C5AR2: variants seen among roughly 807,000 people sequenced by gnomAD.
The protein encoded by C5AR2 is C5a anaphylatoxin chemotactic receptor 2.
For missense variants in C5AR2, 458 were observed against 467.5 expected, an observed-to-expected ratio of 0.98 and a Z score of 0.19; for synonymous variants, 224 against 216.5, an observed-to-expected ratio of 1.03 and a Z score of -0.30.
rs1969102241 is a variant in C5AR2, at chr19:47,345,199, T to G, written c.*3386T>G. The G allele has an allele frequency of 1.3e-5, 2 of 152,312 alleles. No individual in the cohort carries two copies. Among genetic ancestry groups the G allele is most frequent in the Non-Finnish European group, 2.9e-5 (2 of 68,166 alleles). The allele number at this position is 152,312 out of a possible 1,614,324, so 9.4% of individuals were successfully genotyped here. On this transcript the variant is annotated 3_prime_UTR_variant, in exon 2 of 2. Transcript: ENST00000595464. The stretch of plus-strand genomic sequence containing the variant: ...ATGCCTCTGACATTTCCCCGCTCCC[T>G]TTTATAAGAGAACCTTTAATCCTAA...
intron 1 of C5AR2, among the ~76,000 whole-genome samples, chr19:47,336,429 T>C (rs147850197): frequency 1.6e-5 from 2 of 122,282 alleles, no homozygotes; most frequent in Admixed American, 9.1e-5. Context: ...TCTTTCTTTC[T>C]TTCTTTCCTT....
chr19:47,335,807 G>T lies in C5AR2; in HGVS notation c.-16+3458G>T, dbSNP rs1251066497. ...AAAAAAAAAAAAAAAAAAAAAGAAAGTTTTCGTTTTCTGGATTGTAATCAA... is the reference window on the plus strand; with the variant it reads ...AAAAAAAAAAAAAAAAAAAAAGAAATTTTTCGTTTTCTGGATTGTAATCAA... On this transcript the variant is annotated intron_variant, in intron 1 of 1. Transcript: ENST00000595464. Among the ~76,000 whole-genome samples, 117 of 18,582 alleles carry T rather than the reference G, an allele frequency of 6.3e-3. 2 individuals carry two copies. The highest frequency in any genetic ancestry group is 9.0e-3 in the East Asian group (5 of 556). The allele number at this position is 18,582 out of a possible 152,430, so 12.2% of individuals were successfully genotyped here.
chr19:47,334,812 G>C (rs1274858677), intron 1 of C5AR2, among the ~76,000 whole-genome samples: 1 of 151,782 alleles, frequency 6.6e-6, no homozygotes, highest in Admixed American at 6.6e-5. Context: ...TTGACCTCAC[G>C]GGCGTAGCCT....
intron 1 of C5AR2, among the ~76,000 whole-genome samples, chr19:47,339,873 G>C (rs1568669813): frequency 6.6e-6 from 1 of 152,076 alleles, no homozygotes; most frequent in Non-Finnish European, 1.5e-5. Flanking sequence ...AACATAGCCA[G>C]CTTCCCTGTG....
Position 47,341,040 on chromosome 19 carries a change from T to A in C5AR2, c.241T>A (p.Leu81Met). 1.2e-6 allele frequency: 2 copies of A among 1,607,412 alleles called. No individual in the cohort carries two copies. Among genetic ancestry groups the A allele is most frequent in the Non-Finnish European group, 1.7e-6 (2 of 1,179,920 alleles). ...GTTGCTCCACCTGGCCGTGGCGGATTTGCTGTGCTGTTTGTCTCTGCCCAT... is the reference window on the plus strand; with the variant it reads ...GTTGCTCCACCTGGCCGTGGCGGATATGCTGTGCTGTTTGTCTCTGCCCAT... ...TWLLHLAVADLLCCLSLPILA... is the reference protein window; with the variant it reads ...TWLLHLAVADMLCCLSLPILA... Residue 81 changes from leucine (L) to methionine (M), a missense_variant, in exon 2 of 2, where the codon TTG (leucine) becomes ATG (methionine). Coordinates refer to ENST00000595464, the MANE Select transcript of C5AR2 (RefSeq NM_001271749.2). The surrounding 1 kb of genome is among the most constrained non-coding windows in gnomAD (Gnocchi z 4.6).
chr19:47,340,595 A>G (rs1968995870), intron 1 of C5AR2, among the ~76,000 whole-genome samples, 190 bp from the exon 2 acceptor site: 1 of 152,134 alleles, frequency 6.6e-6, no homozygotes, highest in African/African-American at 2.4e-5. Flanking sequence ...TTGGCCTCCC[A>G]AAGTGTTAAG....
chr19:47,341,321 G>A lies in C5AR2; in HGVS notation c.522G>A (p.Arg174=), dbSNP rs749286477. The change falls in exon 2 of 2, where the codon CGG becomes CGA. Residue 174 remains arginine (R), a synonymous_variant. Transcript: ENST00000595464. The surrounding 1 kb of genome is among the most constrained non-coding windows in gnomAD (Gnocchi z 4.6). ...LLTVPSAIYR[R]LHQEHFPARL... is the part of the protein sequence containing the mutation. The stretch of plus-strand genomic sequence containing the variant: ...CCGTGCCCTCCGCCATCTACCGCCG[G>A]CTGCACCAGGAGCACTTCCCAGCCC... 2 of 1,610,906 alleles carry A rather than the reference G, an allele frequency of 1.2e-6. No individual in the cohort carries two copies. Among genetic ancestry groups the A allele is most frequent in the East Asian group, 2.2e-5 (1 of 44,856 alleles).
Position 47,342,094 on chromosome 19 carries a change from C to A in C5AR2, c.*281C>A, listed in dbSNP as rs967630036. On this transcript the variant is annotated 3_prime_UTR_variant, in exon 2 of 2. Transcript: ENST00000595464. ...ATAGGGCCATTTGCGGTGGCTCACG[C>A]CTGTAATTCCAGGGCTTTGGGAGGC... is the stretch of plus-strand genomic sequence containing the variant. 5.9e-5 allele frequency: 20 copies of A among 338,768 alleles called. No individual in the cohort carries two copies. Among genetic ancestry groups the A allele is most frequent in the African/African-American group, 4.0e-4 (19 of 47,916 alleles). The allele number at this position is 338,768 out of a possible 1,614,324, so 21.0% of individuals were successfully genotyped here. A position where few individuals can be genotyped will look rare whatever the true frequency, so the allele number is the denominator to read the frequency against.
At position 47,343,839 on chromosome 19, in the gene C5AR2, A is replaced by G. The variant is rs1185454500; in HGVS notation, c.*2026A>G. 6.7e-6 allele frequency: 1 copy of G among 148,836 alleles called. No homozygotes were observed. Among genetic ancestry groups the G allele is most frequent in the Non-Finnish European group, 1.5e-5 (1 of 66,864 alleles). 9.2% of individuals were successfully genotyped at this position (148,836 alleles called of 1,614,324 possible). A position where few individuals can be genotyped will look rare whatever the true frequency, so the allele number is the denominator to read the frequency against. ...GATGTCAGAATGAGACTCCATCTCA[A>G]AAAAAAAAAGAAAGAAAGAATAAAT... On this transcript the variant is annotated 3_prime_UTR_variant, in exon 2 of 2. Coordinates refer to ENST00000595464, the MANE Select transcript of C5AR2 (RefSeq NM_001271749.2).
rs1266254374 is a variant in C5AR2 at position 47,341,457 on chromosome 19, C to T, written c.658C>T (p.His220Tyr). ...LGPLVAVASC[H>Y]SALLCWAARR... ...GCCCCTGGTGGCCGTGGCCAGCTGC[C>T]ACAGTGCCCTCCTGTGCTGGGCAGC... The change falls in exon 2 of 2, where the codon CAC (histidine) becomes TAC (tyrosine). Residue 220 changes from histidine to tyrosine, a missense_variant. His to Tyr is a moderately conservative substitution (Grantham distance 83). Coordinates refer to ENST00000595464, the MANE Select transcript of C5AR2 (RefSeq NM_001271749.2). This position sits in a 1 kb window ranked among gnomAD's most constrained non-coding sequence, Gnocchi z 4.6. 5 of 1,611,904 alleles carry T rather than the reference C, an allele frequency of 3.1e-6. No individual in the cohort carries two copies. The highest frequency in any genetic ancestry group is 2.2e-5 in the East Asian group (1 of 44,878).
intron 1 of C5AR2, among the ~76,000 whole-genome samples, chr19:47,335,471 A>T (rs2034277300): frequency 6.6e-6 from 1 of 151,832 alleles, no homozygotes; most frequent in Non-Finnish European, 1.5e-5. Flanking sequence ...AATTATATGC[A>T]CAGAAAGTTT....
chr19:47,332,705 C>T (rs928126543), intron 1 of C5AR2, among the ~76,000 whole-genome samples: 2 of 151,988 alleles, frequency 1.3e-5, no homozygotes, highest in African/African-American at 4.8e-5. Flanking sequence ...CAAGCGCATG[C>T]CACCATGCCT....
intron 1 of C5AR2, among the ~76,000 whole-genome samples, chr19:47,335,939 C>G (rs903430289): frequency 1.1e-4 from 16 of 151,876 alleles, no homozygotes; most frequent in Non-Finnish European, 2.2e-4. Context: ...GCGCTATACA[C>G]TCAGCTCTAC....
intron 1 of C5AR2, among the ~76,000 whole-genome samples, chr19:47,335,987 G>T (rs996910133): frequency 2.4e-4 from 36 of 151,630 alleles, no homozygotes; most frequent in African/African-American, 8.7e-4. Flanking sequence ...ACCCCCTAAG[G>T]CAGGAATATT....
At chr19:47,334,842 C>A (rs1232076025) in intron 1 of C5AR2, among the ~76,000 whole-genome samples, 1 of 151,156 alleles carries the variant, frequency 6.6e-6, no homozygotes, top group Non-Finnish European at 1.5e-5. Context: ...GTGTTCAGAA[C>A]ATTTACATTA....
chr19:47,341,932 A>G lies in C5AR2; in HGVS notation c.*119A>G. ...TTTTATTCCTTCCTTCATTCAACAGATATCCATCATGCACTTGCTATGTGC... is the reference window on the plus strand; with the variant it reads ...TTTTATTCCTTCCTTCATTCAACAGGTATCCATCATGCACTTGCTATGTGC... On this transcript the variant is annotated 3_prime_UTR_variant, in exon 2 of 2. Coordinates refer to ENST00000595464, the MANE Select transcript of C5AR2 (RefSeq NM_001271749.2). The surrounding 1 kb of genome is among the most constrained non-coding windows in gnomAD (Gnocchi z 4.6). 1.0e-6 allele frequency: 1 copy of G among 990,044 alleles called. No individual in the cohort carries two copies. Among genetic ancestry groups the G allele is most frequent in the East Asian group, 2.5e-5 (1 of 39,704 alleles). 61.3% of individuals were successfully genotyped at this position (990,044 alleles called of 1,614,324 possible). A position where few individuals can be genotyped will look rare whatever the true frequency, so the allele number is the denominator to read the frequency against.
rs555809147 is a variant in C5AR2, at chr19:47,342,430, T to C, written c.*617T>C. 26 of 151,482 alleles carry C rather than the reference T, an allele frequency of 1.7e-4. No homozygotes were observed. The highest frequency in any genetic ancestry group is 6.3e-4 in the African/African-American group (26 of 41,340). The allele number at this position is 151,482 out of a possible 1,614,324, so 9.4% of individuals were successfully genotyped here. On this transcript the variant is annotated 3_prime_UTR_variant, in exon 2 of 2. Coordinates refer to ENST00000595464, the MANE Select transcript of C5AR2 (RefSeq NM_001271749.2). ...TGGAGTCTCGCTCTGTCGCCCAGGC[T>C]GGAGTGCAGTGGCACAATCTCGGCT...
intron 1 of C5AR2, 142 bp downstream of exon 1, chr19:47,332,491 A>T (rs2059343472): frequency 1.3e-5 from 2 of 152,370 alleles, no homozygotes; most frequent in South Asian, 4.1e-4. Flanking sequence ...ACTGGAACGC[A>T]CGTCACAGTC....
intron 1 of C5AR2, among the ~76,000 whole-genome samples, chr19:47,336,208 G>A (rs893268790): frequency 6.6e-6 from 1 of 151,318 alleles, no homozygotes; most frequent in African/African-American, 2.4e-5. Context: ...TCTTGCCTCA[G>A]TCTCCCGAGT....
Sources: gnomAD v4.1 joint callset for allele counts (sites outside exome capture counted in the v4.1 genomes callset) on GRCh38, gnomAD v4.1.1 for gene constraint, Gnocchi (gnomAD v3.1) non-coding constraint, MANE v1.5 for transcripts, NCBI Gene and HGNC (gene_info 2026-07-23, HGNC 2026-07-21) for gene names.